The following TECTA variants were observed in gnomAD, a reference collection of about 807,000 sequenced individuals.
TECTA encodes alpha-tectorin.
In TECTA, 128 loss-of-function variants were observed where a neutral mutation model predicts 216.8. The ratio of observed to expected loss-of-function variants is 0.59; its 90% CI spans 0.51 to 0.68. The LOEUF (loss-of-function observed/expected upper bound fraction) is 0.68, where lower values mean the gene tolerates loss of function less well. Ranked by LOEUF, TECTA falls within the 30% of genes least tolerant of loss-of-function variation. The pLI is 0.00. For synonymous variants in TECTA, 1,089 were observed against 1,117.1 expected (o/e 0.97, Z 0.50); for missense variants, 2,551 against 2,786.2 (o/e 0.92, Z 1.90).
At chr11:121,165,427 G>A (rs1947043118) in intron 17 of TECTA, 44 bp downstream of exon 17, 2 of 1,502,622 alleles carry the variant, frequency 1.3e-6, no homozygotes, top group African/African-American at 1.4e-5. Flanking sequence ...GGCCCCATGG[G>A]AGATGCTGCT....
chr11:121,126,488 T>G (rs999813775), intron 8 of TECTA, among the ~76,000 whole-genome samples: 6 of 152,266 alleles, frequency 3.9e-5, no homozygotes, highest in Admixed American at 1.3e-4. Flanking sequence ...ACCATTTAAT[T>G]GTCTTAGTAC....
At chr11:121,173,559 T>C (rs1164253069) in intron 20 of TECTA, among the ~76,000 whole-genome samples, 1 of 116,232 alleles carries the variant, frequency 8.6e-6, no homozygotes, top group East Asian at 2.3e-4. Context: ...ATCTCTGTTT[T>C]GGTACCAGTA....
chr11:121,116,836 G>A (rs1242346217), intron 6 of TECTA, among the ~76,000 whole-genome samples: 6 of 152,224 alleles, frequency 3.9e-5, no homozygotes, highest in Non-Finnish European at 8.8e-5. Flanking sequence ...AGTGGAGGCT[G>A]TCACAATACA....
intron 18 of TECTA, among the ~76,000 whole-genome samples, chr11:121,167,378 G>T (rs1947064643): frequency 6.6e-6 from 1 of 152,190 alleles, no homozygotes; most frequent in African/African-American, 2.4e-5. Flanking sequence ...GCTGCAGTGA[G>T]CTATGAATGT....
intron 14 of TECTA, 38 bp from the exon 15 acceptor site, chr11:121,160,097 T>C (rs760273986): frequency 1.2e-6 from 2 of 1,614,006 alleles, no homozygotes; most frequent in East Asian, 2.2e-5. Context: ...CAACACCTAC[T>C]CTAAGCGTAA....
chr11:121,166,874 T>A (rs947770088), intron 18 of TECTA, 94 bp downstream of exon 18: 23 of 1,439,488 alleles, frequency 1.6e-5, no homozygotes, highest in Non-Finnish European at 2.0e-5. Context: ...TTCAGGGTGA[T>A]CTGCTTAGAA....
intron 2 of TECTA, among the ~76,000 whole-genome samples, chr11:121,104,519 G>T (rs189253441): frequency 8.5e-5 from 13 of 152,204 alleles, no homozygotes; most frequent in Admixed American, 4.6e-4. Context: ...TTAGCCCTCC[G>T]TTGAGGCATA....
At chr11:121,158,906 CCATTTAAGAAGAG>C (rs1428018017) in intron 14 of TECTA, among the ~76,000 whole-genome samples, 4 of 152,184 alleles carry the variant, frequency 2.6e-5, no homozygotes, top group Non-Finnish European at 5.9e-5. Flanking sequence ...CCCACCCCTT[CCATTTAAGAAGAG>C]CATCTGCTCA....
In TECTA at chr11:121,168,231, T is replaced by A; in HGVS notation, c.5750+14T>A. On this transcript the variant is annotated intron_variant, in intron 19 of 23. Transcript: ENST00000392793. ...GCCTATGCTAAGGTAAGGTGTCTCC[T>A]GGGCTGTGCACATTGCTTTTTCTAT... The A allele has an allele frequency of 6.2e-7, 1 of 1,614,150 alleles. No individual in the cohort carries two copies. Among genetic ancestry groups the A allele is most frequent in the Non-Finnish European group, 8.5e-7 (1 of 1,179,954 alleles).
chr11:121,156,923 A>G (rs2135119133), intron 13 of TECTA, among the ~76,000 whole-genome samples: 1 of 152,282 alleles, frequency 6.6e-6, no homozygotes, highest in African/African-American at 2.4e-5. Context: ...TGATCCCAAA[A>G]CGTTCCTTTC....
intron 3 of TECTA, 124 bp from the exon 4 acceptor site, chr11:121,109,087 T>C: frequency 9.5e-7 from 1 of 1,051,278 alleles, no homozygotes. Flanking sequence ...TGTTTGGGGG[T>C]TCTAATTCAG....
At chr11:121,166,450 A>G in intron 17 of TECTA, 128 bp from the exon 18 acceptor site, 1 of 907,362 alleles carries the variant, frequency 1.1e-6, no homozygotes, top group Non-Finnish European at 1.8e-6. Context: ...CATAATTAGA[A>G]ATGCTGCAGC....
intron 20 of TECTA, among the ~76,000 whole-genome samples, chr11:121,173,763 C>A (rs1172521875): frequency 1.3e-5 from 2 of 152,026 alleles, no homozygotes; most frequent in Non-Finnish European, 2.9e-5. Flanking sequence ...GGCATTGAAT[C>A]TGTAAATTAC....
chr11:121,144,506 A>G (rs1008838856), intron 11 of TECTA, among the ~76,000 whole-genome samples: 1 of 152,068 alleles, frequency 6.6e-6, no homozygotes, highest in African/African-American at 2.4e-5. Context: ...TAAAACACCT[A>G]CTTCTCCCAC....
chr11:121,128,221 G>A lies in TECTA; in HGVS notation c.2244G>A (p.Glu748=). 2 of 1,603,262 alleles carry A rather than the reference G, an allele frequency of 1.2e-6. No individual in the cohort carries two copies. The highest frequency in any genetic ancestry group is 1.1e-5 in the South Asian group (1 of 91,072). Residue 748 remains glutamate (E), a synonymous_variant, in exon 9 of 24, where the codon GAG becomes GAA. Coordinates refer to ENST00000392793, the MANE Select transcript of TECTA (RefSeq NM_005422.4). ...TLLKTCPERP[E]YLEIDINKKK... is the part of the protein sequence containing the mutation. ...TGAAGACCTGCCCTGAGCGCCCAGA[G>A]TACTTGGAAATCGACATCAACAAGA... is the stretch of plus-strand genomic sequence containing the variant.
intron 20 of TECTA, among the ~76,000 whole-genome samples, chr11:121,182,834 C>A (rs991434290): frequency 6.6e-6 from 1 of 151,972 alleles, no homozygotes; most frequent in African/African-American, 2.4e-5. Flanking sequence ...CCAGATCCCT[C>A]GACAGGATAC....
chr11:121,160,651 A>G (rs541207713), intron 15 of TECTA, among the ~76,000 whole-genome samples: 1 of 152,184 alleles, frequency 6.6e-6, no homozygotes, highest in Non-Finnish European at 1.5e-5. Context: ...TCTAATTTTC[A>G]TGTCATCCAG....
chr11:121,117,937 C>T (rs1394732323), intron 6 of TECTA, among the ~76,000 whole-genome samples: 7 of 152,278 alleles, frequency 4.6e-5, no homozygotes, highest in East Asian at 3.9e-4. Flanking sequence ...GGTCTTCCTT[C>T]GGAAGGAAAG....
At chr11:121,162,404 T>C (rs1048315989) in intron 16 of TECTA, 34 bp downstream of exon 16, 26 of 1,601,836 alleles carry the variant, frequency 1.6e-5, no homozygotes, top group Non-Finnish European at 2.2e-5. Context: ...TGAATTCCAT[T>C]TTCAGTGAAA....
Sources: gnomAD v4.1 joint callset for allele counts (sites outside exome capture counted in the v4.1 genomes callset) on GRCh38, gnomAD v4.1.1 for gene constraint, MANE v1.5 for transcripts, NCBI Gene and HGNC (gene_info 2026-07-23, HGNC 2026-07-21) for gene names.